DDX24: variants seen among roughly 807,000 people sequenced by gnomAD.
DDX24 encodes the protein ATP-dependent RNA helicase DDX24.
In DDX24, 24 loss-of-function variants were observed where a neutral mutation model predicts 68.9. The ratio of observed to expected loss-of-function variants is 0.35; its 90% CI spans 0.25 to 0.49. The LOEUF is 0.49. Among genes scored for constraint, DDX24 ranks in the 20% least tolerant of loss-of-function variants. The pLI, the probability that DDX24 is intolerant of heterozygous loss-of-function variation, is 0.99. For synonymous variants in DDX24, 395 were observed against 385.2 expected (o/e 1.03, Z -0.30); for missense variants, 989 against 1,039.0 (o/e 0.95, Z 0.66).
chr14:94,057,990 C>CATCCTAAACA, intron 5 of DDX24, 93 bp from the exon 6 acceptor site: 2 of 1,133,758 alleles, frequency 1.8e-6, no homozygotes, highest in African/African-American at 3.1e-5. Context: ...CATTACAGTC[C>CATCCTAAACA]TTACCAATAC....
intron 1 of DDX24, among the ~76,000 whole-genome samples, chr14:94,080,112 A>C (rs1886036043): frequency 6.6e-6 from 1 of 152,212 alleles, no homozygotes; most frequent in South Asian, 2.1e-4. Flanking sequence ...ATTTTATGTA[A>C]ATAAAGAAAA....
chr14:94,051,225 G>T lies in DDX24; in HGVS notation c.2546C>A (p.Pro849Gln). The T allele has an allele frequency of 6.3e-7, 1 of 1,583,352 alleles. No individual in the cohort carries two copies. The highest frequency in any genetic ancestry group is 8.6e-7 in the Non-Finnish European group (1 of 1,165,196). The change falls in exon 9 of 9, where the codon CCG becomes CAG. Residue 849 changes from proline to glutamine, a missense_variant. Around this residue, in one of 3 missense-constraint regions of DDX24, gnomAD observed 691 missense variants for 760.0 expected, o/e 0.91. Coordinates refer to ENST00000621632, the MANE Select transcript of DDX24 (RefSeq NM_020414.4). ...ACTTGTACTTGGCTGTGGCTGTTCCGGCTGTGGCTCCTTCGGCTTCTTTGT... is the reference window on the plus strand; with the variant it reads ...ACTTGTACTTGGCTGTGGCTGTTCCTGCTGTGGCTCCTTCGGCTTCTTTGT... ...KKTKKPKEPQ[P>Q]EQPQPSTSAN
chr14:94,070,184 C>T (rs11160158), intron 2 of DDX24, among the ~76,000 whole-genome samples: 5,488 of 152,008 alleles, frequency 0.036, 301 homozygotes, highest in African/African-American at 0.12. Context: ...ACAAGATTAA[C>T]GTACACAAAT....
In DDX24 at chr14:94,051,488, C is replaced by T. The variant is rs185110755; in HGVS notation, c.2309-26G>A. On this transcript the variant is annotated intron_variant, in intron 8 of 8. Coordinates refer to ENST00000621632, the MANE Select transcript of DDX24 (RefSeq NM_020414.4). ...CTTGAAACACAATACAAAAACGATC[C>T]TATTTACTATGGTTTGTAGAAACAT... 2.0e-6 allele frequency: 3 copies of T among 1,507,528 alleles called. No homozygotes were observed. The East Asian group carries it at 7.0e-5, about 35-fold the overall frequency. The allele number at this position is 1,507,528 out of a possible 1,614,324, so 93.4% of individuals were successfully genotyped here.
At chr14:94,066,810 C>A (rs1306555361) in intron 2 of DDX24, among the ~76,000 whole-genome samples, 1 of 152,174 alleles carries the variant, frequency 6.6e-6, no homozygotes, top group African/African-American at 2.4e-5. Context: ...AGGGAACACT[C>A]CATGAGACAA....
chr14:94,073,614 TAAC>T (rs978449654), intron 2 of DDX24, among the ~76,000 whole-genome samples: 2 of 152,122 alleles, frequency 1.3e-5, no homozygotes, highest in African/African-American at 4.8e-5. Flanking sequence ...TTCATAACGA[TAAC>T]AAGCCAATTC....
At chr14:94,054,933 A>C (rs769995362) in intron 7 of DDX24, 63 bp downstream of exon 7, 1 of 1,547,318 alleles carries the variant, frequency 6.5e-7, no homozygotes, top group Non-Finnish European at 8.8e-7. Flanking sequence ...TCCCACAGCA[A>C]GGTGCTCTGC....
At chr14:94,080,722 AACAC>A (rs1031907029) in intron 1 of DDX24, among the ~76,000 whole-genome samples, 1 of 145,918 alleles carries the variant, frequency 6.9e-6, no homozygotes, top group African/African-American at 2.5e-5. Context: ...AACAAAAAAA[AACAC>A]AAAGAAACAC....
At position 94,079,793 on chromosome 14, in the gene DDX24, G is replaced by A. The variant is rs769074285; in HGVS notation, c.-5-46C>T. 7 of 1,548,392 alleles carry A rather than the reference G, an allele frequency of 4.5e-6. No homozygotes were observed. In the South Asian group the frequency reaches 7.1e-5, roughly 16 times the overall value. On this transcript the variant is annotated intron_variant, in intron 1 of 8. Transcript: ENST00000621632. ...CTATTAGGTTGGTGTCTGAGAAGCA[G>A]AGGGTTCTGATGTAACAAATATTTT... is the stretch of plus-strand genomic sequence containing the variant.
Position 94,060,768 on chromosome 14 carries a change from C to T in DDX24, c.1397+145G>A, listed in dbSNP as rs555708379. On this transcript the variant is annotated intron_variant, in intron 4 of 8. Transcript: ENST00000621632. ...AGGCCCTCAACTAATCTCCCTCATG[C>T]ACTCTTGGCTTTCTAAAGGCCAGGG... The T allele has an allele frequency of 1.2e-5, 17 of 1,459,012 alleles. No individual in the cohort carries two copies. In the East Asian group the frequency reaches 3.5e-4, roughly 30 times the overall value. The allele number at this position is 1,459,012 out of a possible 1,614,324, so 90.4% of individuals were successfully genotyped here. A position where few individuals can be genotyped will look rare whatever the true frequency, so the allele number is the denominator to read the frequency against.
chr14:94,066,440 G>C (rs1178204205), intron 2 of DDX24, among the ~76,000 whole-genome samples: 1 of 152,144 alleles, frequency 6.6e-6, no homozygotes, highest in Non-Finnish European at 1.5e-5. Flanking sequence ...TATAATCTTG[G>C]GAGTTCTAGG....
At position 94,062,513 on chromosome 14, in the gene DDX24, T is replaced by C. The variant is rs776965539; in HGVS notation, c.827A>G (p.Glu276Gly). 3.1e-6 allele frequency: 5 copies of C among 1,614,158 alleles called. No individual in the cohort carries two copies. The South Asian group carries it at 4.4e-5, about 14-fold the overall frequency. ...PPSNTEAPPG[E>G]TRTEAGAETR... ...CTCAGCTCCGGCCTCAGTTCTGGTC[T>C]CTCCAGGTGGTGCTTCGGTGTTACT... Residue 276 changes from glutamate to glycine, a missense_variant, in exon 3 of 9, where the codon GAG becomes GGG. Around this residue, in one of 3 missense-constraint regions of DDX24, gnomAD observed 691 missense variants for 760.0 expected, o/e 0.91. Coordinates refer to ENST00000621632, the MANE Select transcript of DDX24 (RefSeq NM_020414.4).
chr14:94,051,796 T>A, intron 8 of DDX24: 1 of 259,276 alleles, frequency 3.9e-6, no homozygotes. Flanking sequence ...AGAACCCAAG[T>A]CTCCTGACTG....
intron 2 of DDX24, among the ~76,000 whole-genome samples, chr14:94,064,133 A>G (rs964191744): frequency 6.6e-6 from 1 of 152,226 alleles, no homozygotes; most frequent in South Asian, 2.1e-4. Flanking sequence ...GATATATACT[A>G]TAAACCCCAA....
chr14:94,073,249 C>T (rs1026721329), intron 2 of DDX24, among the ~76,000 whole-genome samples: 2 of 152,050 alleles, frequency 1.3e-5, no homozygotes, highest in Non-Finnish European at 1.5e-5. Flanking sequence ...CCACGCCTGG[C>T]TATTTTTTTG....
intron 2 of DDX24, among the ~76,000 whole-genome samples, chr14:94,073,001 T>C (rs1318648360): frequency 2.3e-5 from 3 of 133,134 alleles, no homozygotes; most frequent in Non-Finnish European, 5.0e-5. Flanking sequence ...AGGTATGCTA[T>C]CAGTCAAAAA....
chr14:94,066,332 C>G (rs1567060281), intron 2 of DDX24, among the ~76,000 whole-genome samples: 1 of 152,190 alleles, frequency 6.6e-6, no homozygotes. Context: ...CCACAACACC[C>G]ACAACAAGAC....
intron 2 of DDX24, among the ~76,000 whole-genome samples, chr14:94,072,041 G>A (rs781429996): frequency 2.6e-4 from 40 of 152,274 alleles, no homozygotes; most frequent in African/African-American, 9.1e-4. Flanking sequence ...GGAAAACAGC[G>A]TGGAGATTCC....
At position 94,079,676 on chromosome 14, in the gene DDX24, T is replaced by C. The variant is rs1886020068; in HGVS notation, c.67A>G (p.Ile23Val). Residue 23 changes from isoleucine (I) to valine (V), a missense_variant, in exon 2 of 9, where the codon ATC (isoleucine) becomes GTC (valine). Coordinates refer to ENST00000621632, the MANE Select transcript of DDX24 (RefSeq NM_020414.4). ...SSCGKFQTKG[I>V]KVVGKWKEVK... ...TCCTTCCATTTTCCCACAACTTTGA[T>C]TCCCTTTGTCTGAAATTTGCCACAG... is the stretch of plus-strand genomic sequence containing the variant. 6.2e-7 allele frequency: 1 copy of C among 1,614,236 alleles called. No homozygotes were observed. Among genetic ancestry groups the C allele is most frequent in the South Asian group, 1.1e-5 (1 of 91,084 alleles).
Sources: gnomAD v4.1 joint callset for allele counts (sites outside exome capture counted in the v4.1 genomes callset) on GRCh38, gnomAD v4.1.1 for gene constraint, gnomAD v4.1.1 regional missense constraint, MANE v1.5 for transcripts, NCBI Gene and HGNC (gene_info 2026-07-23, HGNC 2026-07-21) for gene names.